Variants in SLC12A5 observed in about 807,000 individuals in gnomAD.
SLC12A5 encodes K-Cl cotransporter 2.
Under a neutral mutation model 124.0 loss-of-function variants are expected in SLC12A5, and 18 were observed. The observed-to-expected ratio is 0.15, with a 90% CI of 0.10 to 0.22. The LOEUF is 0.22. SLC12A5 is among the 10% of genes least tolerant of loss of function. SLC12A5 has a pLI of 1.00. For synonymous variants in SLC12A5, 589 were observed against 568.0 expected, an observed-to-expected ratio of 1.04 and a Z score of -0.53; for missense variants, 867 against 1,478.7, an observed-to-expected ratio of 0.59 and a Z score of 6.78.
intron 1 of SLC12A5, among the ~76,000 whole-genome samples, chr20:46,022,265 T>G (rs1216512194): frequency 1.5e-4 from 19 of 126,942 alleles, no homozygotes; most frequent in Admixed American, 3.9e-4. Flanking sequence ...AGTGAGGAGG[T>G]GGAACTAGGG....
chr20:46,028,787 TC>T (rs1309078950), upstream of SLC12A5, among the ~76,000 whole-genome samples: 1 of 151,724 alleles, frequency 6.6e-6, no homozygotes, highest in East Asian at 2.0e-4. Flanking sequence ...CCCTTTATCT[TC>T]CCCCTGGGGG....
chr20:46,054,833 G>A, intron 20 of SLC12A5, 83 bp from the exon 21 acceptor site: 1 of 932,088 alleles, frequency 1.1e-6, no homozygotes. Flanking sequence ...TCCTTCCCTT[G>A]GCCTTTCACC....
chr20:46,058,574 C>T lies in SLC12A5; in HGVS notation c.*969C>T, dbSNP rs1336022346. ...CAAGAGGAAGAAACCGAGAGGCCCG[C>T]GCCCCACCGAGGAAGCCCCGCCCCG... On this transcript the variant is annotated 3_prime_UTR_variant, in exon 26 of 26. Transcript: ENST00000243964. The surrounding 1 kb of genome is among the most constrained non-coding windows in gnomAD (Gnocchi z 5.8). 5.0e-6 allele frequency: 2 copies of T among 399,050 alleles called. No individual in the cohort carries two copies. Among genetic ancestry groups the T allele is most frequent in the African/African-American group, 4.1e-5 (2 of 48,618 alleles). 24.7% of individuals were successfully genotyped at this position (399,050 alleles called of 1,614,324 possible).
Position 46,045,071 on chromosome 20 carries a change from G to T in SLC12A5, c.1500G>T (p.Leu500=). The change falls in exon 12 of 26, where the codon CTG becomes CTT. Residue 500 remains leucine, a synonymous_variant. Transcript: ENST00000243964. The surrounding 1 kb of genome is among the most constrained non-coding windows in gnomAD (Gnocchi z 4.9). ...GSFFSTCGAG[L]QSLTGAPRLL... ...TCTTCTCCACCTGTGGGGCTGGGCT[G>T]CAGAGCCTCACGGGGGCCCCACGCC... 3.1e-6 allele frequency: 5 copies of T among 1,613,606 alleles called. No homozygotes were observed. Among genetic ancestry groups the T allele is most frequent in the Non-Finnish European group, 4.2e-6 (5 of 1,179,770 alleles).
At chr20:46,043,607 G>A (rs372082519) in intron 9 of SLC12A5, 26 bp from the exon 10 acceptor site, 1 of 1,612,950 alleles carries the variant, frequency 6.2e-7, no homozygotes. Flanking sequence ...CCTGGCTTGA[G>A]TCCTAGCTGC....
At chr20:46,023,667 C>T (rs1349396084), downstream of SLC12A5, 8 of 388,062 alleles carry the variant, frequency 2.1e-5, no homozygotes, top group African/African-American at 8.3e-5. Context: ...AACTCCTATT[C>T]GTTCTGTAAG....
chr20:46,044,892 A>C lies in SLC12A5; in HGVS notation c.1395-74A>C, dbSNP rs541406588. 245 of 1,561,594 alleles carry C rather than the reference A, an allele frequency of 1.6e-4. No individual in the cohort carries two copies. The African/African-American group carries it at 3.1e-3, about 19-fold the overall frequency. On this transcript the variant is annotated intron_variant, in intron 11 of 25. Coordinates refer to ENST00000243964, the MANE Select transcript of SLC12A5 (RefSeq NM_020708.5). ...GTGGCAGGCACACAGTTGGTTCTGT[A>C]GTTGGTATGGAGACCTGCCCTGGAA... is the stretch of plus-strand genomic sequence containing the variant.
intron 8 of SLC12A5, 84 bp from the exon 9 acceptor site, chr20:46,043,069 C>G: frequency 7.2e-7 from 1 of 1,398,074 alleles, no homozygotes; most frequent in Non-Finnish European, 9.9e-7. Flanking sequence ...TTGACCCTGA[C>G]TTTTTGCCCC....
At chr20:46,051,896 G>A in intron 18 of SLC12A5, 26 bp downstream of exon 18, 1 of 522,542 alleles carries the variant, frequency 1.9e-6, no homozygotes, top group South Asian at 2.0e-5. Flanking sequence ...GCTGGGGACA[G>A]AAGAGGGGTG....
In SLC12A5 at chr20:46,053,911, C is replaced by T. The variant is rs1447056480; in HGVS notation, c.2679+202C>T. On this transcript the variant is annotated intron_variant, in intron 20 of 25. Transcript: ENST00000243964. The surrounding 1 kb of genome is among the most constrained non-coding windows in gnomAD (Gnocchi z 4.7). ...TGTCTAGTGCTTATTATATGCCAGG[C>T]ACTGTTCTATGCACTTTATATGTAC... 6.6e-6 allele frequency among the ~76,000 whole-genome samples: 1 copy of T among 152,176 alleles called. No individual in the cohort carries two copies. Among genetic ancestry groups the T allele is most frequent in the East Asian group, 1.9e-4 (1 of 5,204 alleles).
intron 4 of SLC12A5, 108 bp from the exon 5 acceptor site, chr20:46,036,631 AAG>A: frequency 1.7e-6 from 2 of 1,146,534 alleles, no homozygotes; most frequent in Non-Finnish European, 2.6e-6. Flanking sequence ...AGCTCAGCAG[AAG>A]AGAACCTGTG....
rs938371318 is a variant in SLC12A5 at position 46,043,595 on chromosome 20, G to A, written c.1238-38G>A. 1.9e-6 allele frequency: 3 copies of A among 1,605,058 alleles called. No individual in the cohort carries two copies. In the African/African-American group the frequency reaches 4.0e-5, roughly 21 times the overall value. ...TTTCTCATCTGTCTGGTCTCCTGTG[G>A]CCCTGGCTTGAGTCCTAGCTGCACT... On this transcript the variant is annotated intron_variant, in intron 9 of 25. Transcript: ENST00000243964.
At chr20:46,052,678 G>T (rs947252583) in intron 18 of SLC12A5, among the ~76,000 whole-genome samples, 15 of 152,362 alleles carry the variant, frequency 9.8e-5, no homozygotes, top group Admixed American at 6.5e-4. Flanking sequence ...GGTCATACAT[G>T]ATGGGCTCTT....
chr20:46,046,067 C>T, intron 13 of SLC12A5, 71 bp downstream of exon 13: 1 of 1,409,902 alleles, frequency 7.1e-7, no homozygotes, highest in South Asian at 1.2e-5. Flanking sequence ...CAGCCGTTAC[C>T]TGTGACAACC....
chr20:46,044,737 A>G, intron 11 of SLC12A5: 1 of 554,874 alleles, frequency 1.8e-6, no homozygotes, highest in Non-Finnish European at 3.2e-6. Flanking sequence ...TGGGGCTGGG[A>G]CCTATGCTGG....
rs192253578 is a variant in SLC12A5, at chr20:46,045,747, G to A, written c.1570-131G>A. ...CCATTTGCATTCTCCTGGAGGAAGAGAAATGCATCCTCTCCCTTCCTCCTC... is the reference window on the plus strand; with the variant it reads ...CCATTTGCATTCTCCTGGAGGAAGAAAAATGCATCCTCTCCCTTCCTCCTC... On this transcript the variant is annotated intron_variant, in intron 12 of 25. Coordinates refer to ENST00000243964, the MANE Select transcript of SLC12A5 (RefSeq NM_020708.5). This position sits in a 1 kb window ranked among gnomAD's most constrained non-coding sequence, Gnocchi z 4.9. 6 of 698,040 alleles carry A rather than the reference G, an allele frequency of 8.6e-6. No individual in the cohort carries two copies. The East Asian group carries it at 1.3e-4, about 16-fold the overall frequency. 43.2% of individuals were successfully genotyped at this position (698,040 alleles called of 1,614,324 possible).
Position 46,045,733 on chromosome 20 carries a change from C to T in SLC12A5, c.1570-145C>T. 1.5e-6 allele frequency: 1 copy of T among 653,660 alleles called. No homozygotes were observed. The highest frequency in any genetic ancestry group is 2.6e-6 in the Non-Finnish European group (1 of 378,670). 40.5% of individuals were successfully genotyped at this position (653,660 alleles called of 1,614,324 possible). On this transcript the variant is annotated intron_variant, in intron 12 of 25. Coordinates refer to ENST00000243964, the MANE Select transcript of SLC12A5 (RefSeq NM_020708.5). The surrounding 1 kb of genome is among the most constrained non-coding windows in gnomAD (Gnocchi z 4.9). ...CGAAAGCCTGTTATCCATTTGCATTCTCCTGGAGGAAGAGAAATGCATCCT... is the reference window on the plus strand; with the variant it reads ...CGAAAGCCTGTTATCCATTTGCATTTTCCTGGAGGAAGAGAAATGCATCCT...
At chr20:46,055,973 G>A (rs2084687018) in intron 21 of SLC12A5, 177 bp from the exon 22 acceptor site, 6 of 822,164 alleles carry the variant, frequency 7.3e-6, no homozygotes, top group Non-Finnish European at 1.1e-5. Context: ...GAGAGGAGGT[G>A]GGGCAGGCAG....
At position 46,056,409 on chromosome 20, in the gene SLC12A5, C is replaced by T; in HGVS notation, c.2955C>T (p.Ser985=). Residue 985 remains serine, a synonymous_variant, in exon 23 of 26, where the codon AGC becomes AGT. Transcript: ENST00000243964. This position sits in a 1 kb window ranked among gnomAD's most constrained non-coding sequence, Gnocchi z 4.3. The stretch of plus-strand genomic sequence containing the variant: ...AGAGTGCTCCCAGCTGCCCCAGCAG[C>T]TCCCCGTCCCCAGGGGAGGAGCCTG... ...HDQSAPSCPS[S]SPSPGEEPEG... 1 of 1,613,356 alleles carries T rather than the reference C, an allele frequency of 6.2e-7. No homozygotes were observed.
Sources: allele counts gnomAD v4.1 joint callset (sites outside exome capture counted in the v4.1 genomes callset), GRCh38; gene constraint gnomAD v4.1.1; non-coding constraint Gnocchi (gnomAD v3.1); transcripts MANE v1.5; gene names NCBI Gene and HGNC (gene_info 2026-07-23, HGNC 2026-07-21).